The following SEMA4B variants were observed in gnomAD, a reference collection of about 807,000 sequenced individuals.
SEMA4B encodes the protein semaphorin 4B, also known as semaphorin-4B.
Under a neutral mutation model 88.1 loss-of-function variants are expected in SEMA4B, and 55 were observed. The observed-to-expected ratio is 0.62, with a 90% CI of 0.50 to 0.78. The LOEUF (loss-of-function observed/expected upper bound fraction) is 0.78. Among genes scored for constraint, SEMA4B ranks in the 30% least tolerant of loss-of-function variants. The pLI, the probability that SEMA4B is intolerant of heterozygous loss-of-function variation, is 0.00. For missense variants in SEMA4B, 1,062 were observed against 1,111.9 expected, an observed-to-expected ratio of 0.96 and a Z score of 0.64; for synonymous variants, 525 against 473.6, an observed-to-expected ratio of 1.11 and a Z score of -1.41.
intron 5 of SEMA4B, 27 bp from the exon 6 acceptor site, chr15:90,221,340 A>G (rs1961826014): frequency 1.2e-5 from 18 of 1,535,552 alleles, no homozygotes; most frequent in Non-Finnish European, 1.6e-5. Flanking sequence ...TGAGGAGCCC[A>G]TTCCCATGGG....
At chr15:90,211,087 A>G (rs374405761) in intron 1 of SEMA4B, among the ~76,000 whole-genome samples, 1 of 152,200 alleles carries the variant, frequency 6.6e-6, no homozygotes, top group Non-Finnish European at 1.5e-5. Flanking sequence ...CTATAAAAGC[A>G]GGAAGGCAGA....
At chr15:90,219,935 C>T (rs889845536) in intron 4 of SEMA4B, 44 bp downstream of exon 4, 1 of 1,426,810 alleles carries the variant, frequency 7.0e-7, no homozygotes. Context: ...TGGGAACTGC[C>T]CCTCTTTCTG....
At chr15:90,222,776 A>G (rs1961927029) in intron 7 of SEMA4B, among the ~76,000 whole-genome samples, 1 of 151,946 alleles carries the variant, frequency 6.6e-6, no homozygotes, top group Non-Finnish European at 1.5e-5. Context: ...CTGACCTCAG[A>G]GTTGTTATGT....
chr15:90,220,431 G>A (rs1370528518), intron 4 of SEMA4B, among the ~76,000 whole-genome samples: 4 of 138,430 alleles, frequency 2.9e-5, no homozygotes, highest in East Asian at 4.4e-4. Context: ...GCAGTGGCAC[G>A]ATCTCGGCTC....
intron 3 of SEMA4B, 157 bp downstream of exon 3, chr15:90,217,986 A>C: frequency 3.2e-6 from 2 of 622,004 alleles, no homozygotes; most frequent in East Asian, 5.6e-5. Flanking sequence ...GAATCCCAGC[A>C]CTACACTTAC....
Position 90,221,358 on chromosome 15 carries a change from T to G in SEMA4B, c.596-9T>G. The stretch of plus-strand genomic sequence containing the variant: ...GGAGCCCATTCCCATGGGAATGTTT[T>G]CTTGGCAGATGGCGAGCTCTACACT... On this transcript the variant is annotated splice_polypyrimidine_tract_variant and intron_variant, in intron 5 of 13. Coordinates refer to ENST00000411539, the MANE Select transcript of SEMA4B (RefSeq NM_198925.4). The G allele has an allele frequency of 1.4e-6, 2 of 1,480,910 alleles. No individual in the cohort carries two copies. Among genetic ancestry groups the G allele is most frequent in the South Asian group, 1.3e-5 (1 of 77,980 alleles). The allele number at this position is 1,480,910 out of a possible 1,614,324, so 91.7% of individuals were successfully genotyped here.
chr15:90,190,313 C>T (rs1960305927), intron 1 of SEMA4B: 1 of 152,292 alleles, frequency 6.6e-6, no homozygotes, highest in Admixed American at 6.5e-5. Flanking sequence ...CCTGGCAAAG[C>T]AGGGTGAGAG....
In SEMA4B at chr15:90,207,904, G is replaced by A. The variant is rs1961070631; in HGVS notation, c.157+6169G>A. Among the ~76,000 whole-genome samples, 11 of 152,188 alleles carry A rather than the reference G, an allele frequency of 7.2e-5. 1 individual carries two copies. The South Asian group carries it at 1.9e-3, about 26-fold the overall frequency. ...ACAGAAGTTTGCAAACTGAAGGGTA[G>A]TGGGCCACAGCCAGCCTGGAGATAC... On this transcript the variant is annotated intron_variant, in intron 1 of 13. Coordinates refer to ENST00000411539, the MANE Select transcript of SEMA4B (RefSeq NM_198925.4).
rs971709203 is a variant in SEMA4B at position 90,229,063 on chromosome 15, C to G, written c.*420C>G. 1.1e-5 allele frequency: 4 copies of G among 356,820 alleles called. No homozygotes were observed. The highest frequency in any genetic ancestry group is 4.3e-5 in the African/African-American group (2 of 46,616). The allele number at this position is 356,820 out of a possible 1,614,324, so 22.1% of individuals were successfully genotyped here. A position where few individuals can be genotyped will look rare whatever the true frequency, so the allele number is the denominator to read the frequency against. ...GGTTGTCTGAGACAGAGTTGGAAACCCTCACCAACTGGCCTCTTCACCTTC... is the reference window on the plus strand; with the variant it reads ...GGTTGTCTGAGACAGAGTTGGAAACGCTCACCAACTGGCCTCTTCACCTTC... On this transcript the variant is annotated 3_prime_UTR_variant, in exon 14 of 14. Transcript: ENST00000411539.
chr15:90,201,382 A>C lies in SEMA4B; in HGVS notation c.-197A>C. 1.6e-6 allele frequency: 2 copies of C among 1,247,322 alleles called. No individual in the cohort carries two copies. Among genetic ancestry groups the C allele is most frequent in the Admixed American group, 4.4e-5 (1 of 22,958 alleles). The allele number at this position is 1,247,322 out of a possible 1,614,324, so 77.3% of individuals were successfully genotyped here. A position where few individuals can be genotyped will look rare whatever the true frequency, so the allele number is the denominator to read the frequency against. ...AGGCTGCGGGGCCGGCGCCGGCGGG[A>C]GGACTGCGGTGCCCCGCGGAGGGGC... On this transcript the variant is annotated 5_prime_UTR_variant, in exon 1 of 14. Coordinates refer to ENST00000411539, the MANE Select transcript of SEMA4B (RefSeq NM_198925.4).
intron 1 of SEMA4B, among the ~76,000 whole-genome samples, chr15:90,209,360 G>A (rs573412621): frequency 6.6e-6 from 1 of 150,558 alleles, no homozygotes; most frequent in East Asian, 1.9e-4. Flanking sequence ...AGACCAGCCT[G>A]GCCAACATGG....
At chr15:90,185,730 C>G (rs1412139717) in intron 1 of SEMA4B, among the ~76,000 whole-genome samples, 4 of 152,146 alleles carry the variant, frequency 2.6e-5, no homozygotes, top group Non-Finnish European at 5.9e-5. Context: ...GTGCGGGAAG[C>G]ATACAAACTT....
At chr15:90,196,556 G>A (rs188479171), upstream of SEMA4B, among the ~76,000 whole-genome samples, 23 of 152,064 alleles carry the variant, frequency 1.5e-4, no homozygotes, top group African/African-American at 3.4e-4. Context: ...GCGTGATCTC[G>A]GATCACTGCA....
intron 1 of SEMA4B, among the ~76,000 whole-genome samples, chr15:90,206,343 A>G (rs1342983891): frequency 1.3e-5 from 2 of 152,160 alleles, no homozygotes; most frequent in Admixed American, 1.3e-4. Flanking sequence ...CTTTTTGGGA[A>G]GTCTGCTCCC....
chr15:90,189,487 TA>T (rs1960282164), intron 1 of SEMA4B, among the ~76,000 whole-genome samples: 1 of 152,158 alleles, frequency 6.6e-6, no homozygotes, highest in South Asian at 2.1e-4. Context: ...GAGAATTAAG[TA>T]AATGATTGAA....
chr15:90,185,309 C>G (rs1181755880), intron 1 of SEMA4B, among the ~76,000 whole-genome samples: 1 of 152,242 alleles, frequency 6.6e-6, no homozygotes, highest in African/African-American at 2.4e-5. Context: ...CCATGGCCAC[C>G]GGGGGCCTTT....
Position 90,219,782 on chromosome 15 carries a change from C to G in SEMA4B, c.385-11C>G, listed in dbSNP as rs778081253. ...GCGTGGGACTGATATCCCCTCGCTC[C>G]TTCCCCCCAGCGCGACTGTCAAAAC... On this transcript the variant is annotated splice_polypyrimidine_tract_variant and intron_variant, in intron 3 of 13. Transcript: ENST00000411539. The G allele has an allele frequency of 6.2e-7, 1 of 1,609,934 alleles. No individual in the cohort carries two copies.
At chr15:90,202,713 C>T (rs1473329219) in intron 1 of SEMA4B, among the ~76,000 whole-genome samples, 1 of 152,206 alleles carries the variant, frequency 6.6e-6, no homozygotes, top group Non-Finnish European at 1.5e-5. Flanking sequence ...AAGTGCCCAA[C>T]AGATGTATCC....
intron 12 of SEMA4B, among the ~76,000 whole-genome samples, chr15:90,226,375 C>G (rs1567063116): frequency 6.6e-6 from 1 of 152,186 alleles, no homozygotes; most frequent in African/African-American, 2.4e-5. Context: ...GAGACTCGCT[C>G]TGTCGCCCAG....
Sources: allele counts gnomAD v4.1 joint callset (sites outside exome capture counted in the v4.1 genomes callset), GRCh38; gene constraint gnomAD v4.1.1; transcripts MANE v1.5; gene names NCBI Gene and HGNC (gene_info 2026-07-23, HGNC 2026-07-21).